Variants in SEPTIN5 observed in about 807,000 individuals in gnomAD.
SEPTIN5 encodes the protein septin-5.
Under a neutral mutation model 51.2 loss-of-function variants are expected in SEPTIN5, and 16 were observed. The ratio of observed to expected loss-of-function variants is 0.31; its 90% CI spans 0.21 to 0.47. The LOEUF is 0.47. Among genes scored for constraint, SEPTIN5 ranks in the 20% least tolerant of loss-of-function variants. The pLI is 0.99. For missense variants in SEPTIN5, 376 were observed against 500.3 expected (o/e 0.75, Z 2.37); for synonymous variants, 208 against 191.2 (o/e 1.09, Z -0.72).
chr22:19,722,243 G>A lies in SEPTIN5; in HGVS notation c.957G>A (p.Leu319=). The change falls in exon 11 of 12, where the codon CTG becomes CTA. Residue 319 remains leucine, a synonymous_variant. Coordinates refer to ENST00000455784, the MANE Select transcript of SEPTIN5 (RefSeq NM_002688.6). The part of the protein sequence containing the change: ...AHCIQQMTSK[L]TQDSRMESPI... ...TCCCCCCCGCCCCGCGCAGCAAACT[G>A]ACCCAGGACAGCCGCATGGAGAGCC... is the stretch of plus-strand genomic sequence containing the variant. The A allele has an allele frequency of 6.2e-7, 1 of 1,605,336 alleles. No individual in the cohort carries two copies. The highest frequency in any genetic ancestry group is 1.1e-5 in the South Asian group (1 of 90,290).
chr22:19,715,769 A>G (rs549786803), intron 2 of SEPTIN5, among the ~76,000 whole-genome samples: 1 of 152,076 alleles, frequency 6.6e-6, no homozygotes, highest in South Asian at 2.1e-4. Context: ...TCACTGGCTG[A>G]CCAGTGCCAT....
chr22:19,717,620 C>G (rs1338282909), intron 2 of SEPTIN5: 1 of 307,202 alleles, frequency 3.3e-6, no homozygotes. Flanking sequence ...GCAGGGACCT[C>G]CAGTACTCCG....
chr22:19,722,099 C>G, intron 10 of SEPTIN5, 138 bp from the exon 11 acceptor site: 1 of 1,249,970 alleles, frequency 8.0e-7, no homozygotes, highest in East Asian at 2.5e-5. Context: ...AGCCTGGTCT[C>G]CCTAGAACCA....
At position 19,720,191 on chromosome 22, in the gene SEPTIN5, C is replaced by T; in HGVS notation, c.315C>T (p.Thr105=). 1 of 1,613,594 alleles carries T rather than the reference C, an allele frequency of 6.2e-7. No individual in the cohort carries two copies. Among genetic ancestry groups the T allele is most frequent in the South Asian group, 1.1e-5 (1 of 91,086 alleles). The part of the protein sequence containing the change: ...IEEKGVKLKL[T]IVDTPGFGDA... ...AGAAGGGAGTCAAGCTGAAGCTCAC[C>T]ATCGTGGACACGCCGGGATTCGGGG... Residue 105 remains threonine (T), a synonymous_variant, in exon 5 of 12, where the codon ACC becomes ACT. Transcript: ENST00000455784.
chr22:19,723,030 C>G lies in SEPTIN5; in HGVS notation c.*546C>G. 2 of 463,252 alleles carry G rather than the reference C, an allele frequency of 4.3e-6. No homozygotes were observed. The highest frequency in any genetic ancestry group is 3.7e-5 in the South Asian group (2 of 53,582). The allele number at this position is 463,252 out of a possible 1,614,324, so 28.7% of individuals were successfully genotyped here. On this transcript the variant is annotated 3_prime_UTR_variant, in exon 12 of 12. Transcript: ENST00000455784. ...CCAGACATAAGGAGGCCAGAGGCTG[C>G]AAGGAGCGGGGTCGTGACCGCTTAC...
intron 2 of SEPTIN5, among the ~76,000 whole-genome samples, chr22:19,716,976 C>T (rs1676513712): frequency 6.6e-6 from 1 of 152,194 alleles, no homozygotes; most frequent in South Asian, 2.1e-4. Context: ...GGCTTTCTGG[C>T]AGCAAGGACT....
intron 2 of SEPTIN5, chr22:19,718,018 G>C (rs1935942100): frequency 6.6e-6 from 1 of 152,384 alleles, no homozygotes; most frequent in Non-Finnish European, 1.5e-5. Context: ...TTGGGGCGTC[G>C]AGACGCCGCC....
intron 2 of SEPTIN5, chr22:19,719,308 A>C: frequency 2.8e-6 from 1 of 355,402 alleles, no homozygotes; most frequent in Non-Finnish European, 5.2e-6. Context: ...AGGAGGGAGG[A>C]CATCGCCTGT....
rs565635928 is a variant in SEPTIN5 at position 19,715,189 on chromosome 22, A to G, written c.54+398A>G. On this transcript the variant is annotated intron_variant, in intron 2 of 11. Coordinates refer to ENST00000455784, the MANE Select transcript of SEPTIN5 (RefSeq NM_002688.6). ...CCATCAGCCAGCACAGTCCCTGAAC[A>G]GCCCTACAGCAGAGGGCCTGTGGTC... 3.1e-3 allele frequency among the ~76,000 whole-genome samples: 476 copies of G among 152,330 alleles called. 1 individual carries two copies. The highest frequency in any genetic ancestry group is 0.011 in the African/African-American group (453 of 41,578).
At position 19,722,514 on chromosome 22, in the gene SEPTIN5, G is replaced by A; in HGVS notation, c.*30G>A. The A allele has an allele frequency of 6.4e-7, 1 of 1,570,800 alleles. No individual in the cohort carries two copies. The highest frequency in any genetic ancestry group is 2.4e-5 in the East Asian group (1 of 41,938). On this transcript the variant is annotated 3_prime_UTR_variant, in exon 12 of 12. Transcript: ENST00000455784. ...CGCCGCGGACACACCGTCCGTCTCC[G>A]GGACGCCCTCGCACCCCTGGACACC...
In SEPTIN5 at chr22:19,718,782, G is replaced by T. The variant is rs187090154; in HGVS notation, c.55-820G>T. ...CCCAGGACCGCCTGGTGGAGCAGCTGCTGTCGCCGCGGACCCAGGCCCAGA... is the reference window on the plus strand; with the variant it reads ...CCCAGGACCGCCTGGTGGAGCAGCTTCTGTCGCCGCGGACCCAGGCCCAGA... On this transcript the variant is annotated intron_variant, in intron 2 of 11. Transcript: ENST00000455784. 5.4e-3 allele frequency: 6,727 copies of T among 1,236,838 alleles called. 33 individuals are homozygous for T. The highest frequency in any genetic ancestry group is 6.3e-3 in the Non-Finnish European group (6,190 of 989,760). The allele number at this position is 1,236,838 out of a possible 1,614,324, so 76.6% of individuals were successfully genotyped here. A position where few individuals can be genotyped will look rare whatever the true frequency, so the allele number is the denominator to read the frequency against.
In SEPTIN5 at chr22:19,721,746, G is replaced by A; in HGVS notation, c.814+10G>A. The A allele has an allele frequency of 1.2e-6, 2 of 1,603,980 alleles. No individual in the cohort carries two copies. The highest frequency in any genetic ancestry group is 1.7e-6 in the Non-Finnish European group (2 of 1,173,340). Reference sequence around the variant, plus strand: ...TGGGGGATCGTGGAGGGTGAGTAGAGTCTTGGGGTACCAGGTCTGGTGGGG... The same window carrying A: ...TGGGGGATCGTGGAGGGTGAGTAGAATCTTGGGGTACCAGGTCTGGTGGGG... On this transcript the variant is annotated intron_variant, in intron 9 of 11. Coordinates refer to ENST00000455784, the MANE Select transcript of SEPTIN5 (RefSeq NM_002688.6).
chr22:19,721,492 C>A, intron 8 of SEPTIN5, 148 bp from the exon 9 acceptor site: 1 of 876,388 alleles, frequency 1.1e-6, no homozygotes, highest in South Asian at 1.6e-5. Context: ...GGCAGAGAGG[C>A]CAGAAAGGGG....
intron 2 of SEPTIN5, chr22:19,719,086 C>T (rs531945839): frequency 8.0e-4 from 272 of 338,764 alleles, no homozygotes; most frequent in African/African-American, 5.0e-3. Context: ...CGCCTGGGCG[C>T]GCGGGCGGGG....
At chr22:19,718,887 C>G in intron 2 of SEPTIN5, 2 of 1,222,488 alleles carry the variant, frequency 1.6e-6, no homozygotes, top group Non-Finnish European at 2.0e-6. Flanking sequence ...CATGGGGTCC[C>G]CGTCCCCGCG....
In SEPTIN5 at chr22:19,719,889, G is replaced by A; in HGVS notation, c.235G>A (p.Glu79Lys). 2 of 1,612,686 alleles carry A rather than the reference G, an allele frequency of 1.2e-6. No individual in the cohort carries two copies. Among genetic ancestry groups the A allele is most frequent in the Non-Finnish European group, 1.7e-6 (2 of 1,179,876 alleles). Reference protein sequence around the residue: ...LYKDRKLLSAEERISQTVEIL... With the variant: ...LYKDRKLLSAKERISQTVEIL... ...CAAGGACCGGAAGCTGCTCAGTGCT[G>A]AGGGTGAGTGGCCCCCAGGAGGCCC... Residue 79 changes from glutamate (E) to lysine (K), a missense_variant, in exon 4 of 12, where the codon GAG becomes AAG. Glu to Lys is a moderately conservative substitution (Grantham distance 56). Around this residue, in one of 2 missense-constraint regions of SEPTIN5, gnomAD observed 287 missense variants for 417.1 expected, o/e 0.69. Transcript: ENST00000455784.
rs1178398769 is a variant in SEPTIN5, at chr22:19,714,731, G to A, written c.44-50G>A. 2 of 1,463,310 alleles carry A rather than the reference G, an allele frequency of 1.4e-6. No individual in the cohort carries two copies. Among genetic ancestry groups the A allele is most frequent in the Admixed American group, 1.9e-5 (1 of 53,108 alleles). 90.6% of individuals were successfully genotyped at this position (1,463,310 alleles called of 1,614,324 possible). A position where few individuals can be genotyped will look rare whatever the true frequency, so the allele number is the denominator to read the frequency against. On this transcript the variant is annotated intron_variant, in intron 1 of 11. Coordinates refer to ENST00000455784, the MANE Select transcript of SEPTIN5 (RefSeq NM_002688.6). The surrounding 1 kb of genome is among the most constrained non-coding windows in gnomAD (Gnocchi z 5.2). ...CCGTCTCTCCCCCGCCCGCCGGCCC[G>A]GACCCGCTCGGAACCGGACCCGGAC...
chr22:19,714,826 C>T lies in SEPTIN5; in HGVS notation c.54+35C>T. 1 of 1,591,366 alleles carries T rather than the reference C, an allele frequency of 6.3e-7. No individual in the cohort carries two copies. ...CAGCGCCGCTCCCCCGCCGGGAGAC[C>T]CGGCCGGCTGTCACCCATTGTGACA... On this transcript the variant is annotated intron_variant, in intron 2 of 11. Coordinates refer to ENST00000455784, the MANE Select transcript of SEPTIN5 (RefSeq NM_002688.6). The surrounding 1 kb of genome is among the most constrained non-coding windows in gnomAD (Gnocchi z 5.2).
chr22:19,719,505 C>CCTTA lies in SEPTIN5; in HGVS notation c.55-96_55-95insTTAC, dbSNP rs1247518969. ...GAAATGCCCCACCCTGGGAACCGTA[C>CCTTA]CCTCTGCTGTCTCCTCATACCGCAT... On this transcript the variant is annotated intron_variant, in intron 2 of 11. Coordinates refer to ENST00000455784, the MANE Select transcript of SEPTIN5 (RefSeq NM_002688.6). 5 of 976,560 alleles carry CCTTA rather than the reference C, an allele frequency of 5.1e-6. No homozygotes were observed. In the East Asian group the frequency reaches 1.0e-4, roughly 20 times the overall value. The allele number at this position is 976,560 out of a possible 1,614,324, so 60.5% of individuals were successfully genotyped here.
Sources: gnomAD v4.1 joint callset for allele counts (sites outside exome capture counted in the v4.1 genomes callset) on GRCh38, gnomAD v4.1.1 for gene constraint, gnomAD v4.1.1 regional missense constraint, Gnocchi (gnomAD v3.1) non-coding constraint, MANE v1.5 for transcripts, NCBI Gene and HGNC (gene_info 2026-07-23, HGNC 2026-07-21) for gene names.